The following STK32B variants were observed in gnomAD, a reference collection of about 807,000 sequenced individuals.
STK32B encodes the protein serine/threonine-protein kinase 32B.
In STK32B, 43 loss-of-function variants were observed where a neutral mutation model predicts 52.6. The ratio of observed to expected loss-of-function variants is 0.82; its 90% CI spans 0.64 to 1.05. The LOEUF (loss-of-function observed/expected upper bound fraction) is 1.05. STK32B is among the 50% of genes least tolerant of loss of function. STK32B has a pLI of 0.00. For missense variants in STK32B, 621 were observed against 534.6 expected (o/e 1.16, Z -1.59); for synonymous variants, 238 against 204.3 (o/e 1.17, Z -1.41).
At chr4:5,496,611 G>C (rs1720282499) in intron 11 of STK32B, among the ~76,000 whole-genome samples, 1 of 151,696 alleles carries the variant, frequency 6.6e-6, no homozygotes, top group African/African-American at 2.4e-5. Context: ...CGGTACCTCA[G>C]ATGGAAATGC....
chr4:5,181,329 GACACACACACACAC>G (rs751590603), intron 3 of STK32B, among the ~76,000 whole-genome samples: 11 of 138,020 alleles, frequency 8.0e-5, no homozygotes, highest in African/African-American at 2.7e-4. Context: ...TGGAGAGTGA[GACACACACACACAC>G]ACACACACAC....
At chr4:5,389,741 T>C (rs1194170669) in intron 4 of STK32B, among the ~76,000 whole-genome samples, 1 of 151,186 alleles carries the variant, frequency 6.6e-6, no homozygotes, top group Non-Finnish European at 1.5e-5. Flanking sequence ...CCCCCAAAGA[T>C]GCCACATCCT....
In STK32B at chr4:5,051,655, G is replaced by C. The variant is rs1741786075; in HGVS notation, c.-209G>C. 2 of 566,810 alleles carry C rather than the reference G, an allele frequency of 3.5e-6. No homozygotes were observed. The highest frequency in any genetic ancestry group is 5.9e-6 in the Non-Finnish European group (2 of 338,048). 35.1% of individuals were successfully genotyped at this position (566,810 alleles called of 1,614,324 possible). A position where few individuals can be genotyped will look rare whatever the true frequency, so the allele number is the denominator to read the frequency against. ...GCACGGCGGAAGGCGCGGCGAGAGC[G>C]GGGTCCCTGCGAGCGCAGTCGGAAG... On this transcript the variant is annotated 5_prime_UTR_variant, in exon 1 of 12. Coordinates refer to ENST00000282908, the MANE Select transcript of STK32B (RefSeq NM_018401.3).
intron 2 of STK32B, among the ~76,000 whole-genome samples, chr4:5,149,269 C>G (rs548607872): frequency 6.6e-6 from 1 of 151,684 alleles, no homozygotes; most frequent in African/African-American, 2.4e-5. Context: ...ATAGTTAGGT[C>G]TTGCTTTAAA....
intron 3 of STK32B, among the ~76,000 whole-genome samples, chr4:5,271,917 G>T: frequency 6.8e-6 from 1 of 145,996 alleles, no homozygotes; most frequent in East Asian, 2.0e-4. Flanking sequence ...GAGACAATGG[G>T]GTTTTCTAGA....
chr4:5,065,704 T>G (rs1424449635), intron 1 of STK32B, among the ~76,000 whole-genome samples: 1 of 152,134 alleles, frequency 6.6e-6, no homozygotes, highest in Non-Finnish European at 1.5e-5. Context: ...CTAACATATA[T>G]TTTTATATGA....
At chr4:5,428,053 G>A (rs936239067) in intron 6 of STK32B, among the ~76,000 whole-genome samples, 1 of 151,760 alleles carries the variant, frequency 6.6e-6, no homozygotes, top group South Asian at 2.1e-4. Flanking sequence ...TTTGTTTTAA[G>A]TCCAGCTTCA....
chr4:5,215,446 G>T lies in STK32B; in HGVS notation c.260+46996G>T, dbSNP rs16836879. Among the ~76,000 whole-genome samples, 328 of 152,272 alleles carry T rather than the reference G, an allele frequency of 2.2e-3. 1 individual carries two copies. Among genetic ancestry groups the T allele is most frequent in the African/African-American group, 7.6e-3 (314 of 41,562 alleles). On this transcript the variant is annotated intron_variant, in intron 3 of 11. Coordinates refer to ENST00000282908, the MANE Select transcript of STK32B (RefSeq NM_018401.3). ...GTCAGCTTCAGTTAAGAACTGGAGG[G>T]TAAACGCAGAAGGGGCACCTTTCAC...
intron 2 of STK32B, chr4:5,140,453 G>C (rs1470487005): frequency 1.6e-5 from 5 of 322,172 alleles, no homozygotes; most frequent in African/African-American, 4.3e-5. Context: ...TTTTTTTTTG[G>C]CAATAATTGC....
At chr4:5,042,300 C>T in the STK32B span, among the ~76,000 whole-genome samples, 2 of 152,174 alleles carry the variant, frequency 1.3e-5, no homozygotes. Flanking sequence ...CTGGGAAAGC[C>T]AAGCAGACTC....
intron 1 of STK32B, among the ~76,000 whole-genome samples, chr4:5,091,309 A>G (rs2108783806): frequency 6.6e-6 from 1 of 152,292 alleles, no homozygotes; most frequent in East Asian, 1.9e-4. Context: ...AGAATGGGAG[A>G]AGTGATGTAA....
chr4:5,256,705 G>A (rs1726325021), intron 3 of STK32B, among the ~76,000 whole-genome samples: 1 of 152,220 alleles, frequency 6.6e-6, no homozygotes. Context: ...GAGTGACTGA[G>A]TATCTCTCTG....
chr4:5,020,139 C>A, the STK32B span, among the ~76,000 whole-genome samples: 6 of 152,188 alleles, frequency 3.9e-5, no homozygotes, highest in African/African-American at 1.2e-4. Flanking sequence ...CCAGCACAGG[C>A]CCCGAGGGAG....
chr4:5,273,631 G>T (rs367728013), intron 3 of STK32B, among the ~76,000 whole-genome samples: 110 of 25,784 alleles, frequency 4.3e-3, no homozygotes, highest in South Asian at 0.019. Flanking sequence ...AGAAAATGTG[G>T]CACATATACA....
At chr4:5,466,613 T>C (rs1717453510) in intron 9 of STK32B, 90 bp from the exon 10 acceptor site, 1 of 1,467,368 alleles carries the variant, frequency 6.8e-7, no homozygotes, top group Non-Finnish European at 9.1e-7. Context: ...CATTACTTGT[T>C]GAATGAATGA....
chr4:5,080,467 A>G (rs1712349558), intron 1 of STK32B, among the ~76,000 whole-genome samples: 1 of 151,908 alleles, frequency 6.6e-6, no homozygotes, highest in Admixed American at 6.6e-5. Flanking sequence ...CTTTTTTTAG[A>G]TCTTTTCTGA....
At chr4:5,247,617 C>A (rs1399752919) in intron 3 of STK32B, among the ~76,000 whole-genome samples, 2 of 152,166 alleles carry the variant, frequency 1.3e-5, no homozygotes, top group Non-Finnish European at 2.9e-5. Context: ...TGTGATGAAC[C>A]CTGTACCTCA....
intron 3 of STK32B, among the ~76,000 whole-genome samples, chr4:5,177,194 G>A: frequency 6.6e-6 from 1 of 152,164 alleles, no homozygotes; most frequent in Non-Finnish European, 1.5e-5. Context: ...GTTCTGCGTG[G>A]CTGGGGAGGC....
chr4:5,406,827 T>A (rs573269731), intron 5 of STK32B, among the ~76,000 whole-genome samples: 1 of 152,324 alleles, frequency 6.6e-6, no homozygotes, highest in East Asian at 1.9e-4. Context: ...GAGGGACTGC[T>A]GCAGAGGTCT....
Sources: allele counts gnomAD v4.1 joint callset (sites outside exome capture counted in the v4.1 genomes callset), GRCh38; gene constraint gnomAD v4.1.1; transcripts MANE v1.5; gene names NCBI Gene and HGNC (gene_info 2026-07-23, HGNC 2026-07-21).